CSNK1D: variants seen among roughly 807,000 people sequenced by gnomAD.
The protein encoded by CSNK1D is casein kinase I isoform delta.
In CSNK1D, 16 loss-of-function variants were observed where a neutral mutation model predicts 46.6. That is an observed-to-expected ratio of 0.34 (90% CI 0.23 to 0.52). The LOEUF is 0.52. CSNK1D is among the 20% of genes least tolerant of loss of function. The probability of loss-of-function intolerance (pLI) is 0.95; values close to 1 mark genes in which losing one functional copy is unlikely to be tolerated. For missense variants in CSNK1D, 398 were observed against 578.4 expected, an observed-to-expected ratio of 0.69 and a Z score of 3.20; for synonymous variants, 276 against 228.2, an observed-to-expected ratio of 1.21 and a Z score of -1.89.
In CSNK1D at chr17:82,249,043, C is replaced by T. The variant is rs1379091937; in HGVS notation, c.1058-29G>A. On this transcript the variant is annotated intron_variant, in intron 7 of 8. Transcript: ENST00000314028. The surrounding 1 kb of genome is among the most constrained non-coding windows in gnomAD (Gnocchi z 6.7). ...AGGACAGGGAGAGAAACGGAGTGGGCCGCCCCCGTCTGCTGCCTCTCACTC... is the reference window on the plus strand; with the variant it reads ...AGGACAGGGAGAGAAACGGAGTGGGTCGCCCCCGTCTGCTGCCTCTCACTC... 7.1e-6 allele frequency: 11 copies of T among 1,547,208 alleles called. No homozygotes were observed. Among genetic ancestry groups the T allele is most frequent in the Non-Finnish European group, 9.6e-6 (11 of 1,144,814 alleles).
In CSNK1D at chr17:82,248,720, C is replaced by T. The variant is rs1427886213; in HGVS notation, c.1197+155G>A. 6.8e-7 allele frequency: 1 copy of T among 1,467,738 alleles called. No homozygotes were observed. The highest frequency in any genetic ancestry group is 1.4e-5 in the South Asian group (1 of 73,166). 90.9% of individuals were successfully genotyped at this position (1,467,738 alleles called of 1,614,324 possible). A position where few individuals can be genotyped will look rare whatever the true frequency, so the allele number is the denominator to read the frequency against. On this transcript the variant is annotated intron_variant, in intron 8 of 8. Transcript: ENST00000314028. This position sits in a 1 kb window ranked among gnomAD's most constrained non-coding sequence, Gnocchi z 4.1. ...TCTCCCAGGCCCTCCCGAGAAGCCT[C>T]ATCTGCAACCAAGACGCCACACCCT... is the stretch of plus-strand genomic sequence containing the variant.
intron 2 of CSNK1D, among the ~76,000 whole-genome samples, chr17:82,263,815 T>C (rs1355807859): frequency 6.6e-6 from 1 of 152,230 alleles, no homozygotes; most frequent in African/African-American, 2.4e-5. Context: ...TATTGGCTCG[T>C]CACACCTTCA....
At chr17:82,241,330 G>A (rs2050739478), downstream of CSNK1D, among the ~76,000 whole-genome samples, 2 of 152,224 alleles carry the variant, frequency 1.3e-5, no homozygotes, top group African/African-American at 2.4e-5. Flanking sequence ...TCAGCCTTCC[G>A]AGGGGTCTAT....
rs1446539718 is a variant in CSNK1D at position 82,249,978 on chromosome 17, C to T, written c.886-376G>A. The T allele has an allele frequency of 8.1e-7, 1 of 1,238,316 alleles. No homozygotes were observed. The highest frequency in any genetic ancestry group is 1.0e-6 in the Non-Finnish European group (1 of 970,824). The allele number at this position is 1,238,316 out of a possible 1,614,324, so 76.7% of individuals were successfully genotyped here. A position where few individuals can be genotyped will look rare whatever the true frequency, so the allele number is the denominator to read the frequency against. ...ACCATCGGAGGCCAAAGACAGGCCCCAAATGGTGACAGCTGGGGAGGAAAG... is the reference window on the plus strand; with the variant it reads ...ACCATCGGAGGCCAAAGACAGGCCCTAAATGGTGACAGCTGGGGAGGAAAG... On this transcript the variant is annotated intron_variant, in intron 6 of 8. Coordinates refer to ENST00000314028, the MANE Select transcript of CSNK1D (RefSeq NM_001893.6). The surrounding 1 kb of genome is among the most constrained non-coding windows in gnomAD (Gnocchi z 6.7).
intron 2 of CSNK1D, chr17:82,261,022 G>A (rs1294947416): frequency 6.5e-6 from 1 of 154,958 alleles, no homozygotes; most frequent in Non-Finnish European, 1.5e-5. Context: ...ACAGATGTAA[G>A]CCACTGCACC....
At chr17:82,244,993 G>C in intron 8 of CSNK1D, 162 bp from the exon 9 acceptor site, 1 of 848,198 alleles carries the variant, frequency 1.2e-6, no homozygotes, top group African/African-American at 1.7e-5. Context: ...CTCTGTGGCT[G>C]GGACACGTGC....
rs910107944 is a variant in CSNK1D, at chr17:82,243,973, C to CA, written c.*807dup. ...GCCCACCTCCTGGGGAAGAAGCGCG[C>CA]AGTGCTTTGCCTGGTAACACCCACT... On this transcript the variant is annotated 3_prime_UTR_variant, in exon 9 of 9. Coordinates refer to ENST00000314028, the MANE Select transcript of CSNK1D (RefSeq NM_001893.6). 2 of 985,858 alleles carry CA rather than the reference C, an allele frequency of 2.0e-6. No homozygotes were observed. Among genetic ancestry groups the CA allele is most frequent in the African/African-American group, 3.5e-5 (2 of 57,238 alleles). The allele number at this position is 985,858 out of a possible 1,614,324, so 61.1% of individuals were successfully genotyped here. A position where few individuals can be genotyped will look rare whatever the true frequency, so the allele number is the denominator to read the frequency against.
At chr17:82,268,734 G>A (rs866327676) in intron 1 of CSNK1D, among the ~76,000 whole-genome samples, 1 of 152,128 alleles carries the variant, frequency 6.6e-6, no homozygotes, top group Non-Finnish European at 1.5e-5. Flanking sequence ...TCCTCAGTCC[G>A]TGTTTGGGTA....
chr17:82,257,340 G>A lies in CSNK1D; in HGVS notation c.188-1763C>T, dbSNP rs369063235. ...GTTTCTTGATGAAAAGACTTTTCAT[G>A]AATATGAATGCCTTAATCTTTTGCT... On this transcript the variant is annotated intron_variant, in intron 2 of 8. Coordinates refer to ENST00000314028, the MANE Select transcript of CSNK1D (RefSeq NM_001893.6). 1.2e-4 allele frequency among the ~76,000 whole-genome samples: 19 copies of A among 152,186 alleles called. No individual in the cohort carries two copies. In the South Asian group the frequency reaches 3.9e-3, roughly 32 times the overall value.
chr17:82,247,532 T>C (rs1031643554), intron 8 of CSNK1D: 28 of 985,334 alleles, frequency 2.8e-5, no homozygotes, highest in Non-Finnish European at 3.1e-5. Flanking sequence ...GCACCCAGCA[T>C]GGGGAGCACT....
At chr17:82,270,374 A>C (rs1286612542) in intron 1 of CSNK1D, among the ~76,000 whole-genome samples, 1 of 152,206 alleles carries the variant, frequency 6.6e-6, no homozygotes, top group Non-Finnish European at 1.5e-5. Context: ...GAAAGCACAG[A>C]AAGTCCCCGG....
intron 1 of CSNK1D, among the ~76,000 whole-genome samples, chr17:82,271,076 CTTAT>C (rs1279421618): frequency 3.9e-5 from 6 of 152,070 alleles, no homozygotes; most frequent in South Asian, 4.1e-4. Flanking sequence ...CAAAGTACTT[CTTAT>C]TTATTTATTT....
intron 2 of CSNK1D, among the ~76,000 whole-genome samples, chr17:82,260,301 A>ACGGAC: frequency 7.8e-6 from 1 of 127,872 alleles, no homozygotes; most frequent in African/African-American, 2.9e-5. Context: ...CTGATAGTGT[A>ACGGAC]TTGACTGATG....
At position 82,251,790 on chromosome 17, in the gene CSNK1D, A is replaced by G; in HGVS notation, c.737-263T>C. The G allele has an allele frequency of 2.1e-6, 1 of 476,700 alleles. No homozygotes were observed. The highest frequency in any genetic ancestry group is 2.0e-5 in the South Asian group (1 of 49,542). 29.5% of individuals were successfully genotyped at this position (476,700 alleles called of 1,614,324 possible). On this transcript the variant is annotated intron_variant, in intron 5 of 8. Transcript: ENST00000314028. This position sits in a 1 kb window ranked among gnomAD's most constrained non-coding sequence, Gnocchi z 4.5. The stretch of plus-strand genomic sequence containing the variant: ...CGGATCACGAGGTCAGGAGATCAAG[A>G]CCATCCTGGCTAACACAGTGAAACC...
chr17:82,250,898 A>G lies in CSNK1D; in HGVS notation c.885+481T>C. 1 of 216,394 alleles carries G rather than the reference A, an allele frequency of 4.6e-6. No individual in the cohort carries two copies. The highest frequency in any genetic ancestry group is 9.5e-6 in the Non-Finnish European group (1 of 104,908). The allele number at this position is 216,394 out of a possible 1,614,324, so 13.4% of individuals were successfully genotyped here. ...CCCAGGGCTGGGCTGCCTGTTTTAG[A>G]GGCTCCACTGCATACTCACACCGCA... On this transcript the variant is annotated intron_variant, in intron 6 of 8. Coordinates refer to ENST00000314028, the MANE Select transcript of CSNK1D (RefSeq NM_001893.6). This position sits in a 1 kb window ranked among gnomAD's most constrained non-coding sequence, Gnocchi z 4.6.
intron 8 of CSNK1D, chr17:82,246,642 G>C: frequency 1.0e-6 from 1 of 1,004,388 alleles, no homozygotes; most frequent in Non-Finnish European, 1.2e-6. Flanking sequence ...GCTGGGGCGG[G>C]GCCCTACAAC....
At position 82,265,699 on chromosome 17, in the gene CSNK1D, C is replaced by G; in HGVS notation, c.174G>C (p.Met58Ile). 1.2e-6 allele frequency: 2 copies of G among 1,613,848 alleles called. No homozygotes were observed. The highest frequency in any genetic ancestry group is 1.7e-6 in the Non-Finnish European group (2 of 1,179,726). ...GTAAAGACCTACCTCCTCCCTGCAT[C>G]ATCTTGTAGATTTTGCTCTCAATGT... The part of the protein sequence containing the change: ...QLHIESKIYK[M>I]MQGGVGIPTI... The change falls in exon 2 of 9, where the codon ATG becomes ATC. Residue 58 changes from methionine (M) to isoleucine (I), a missense_variant. Met to Ile is a conservative substitution (Grantham distance 10). Transcript: ENST00000314028.
chr17:82,250,345 G>T lies in CSNK1D; in HGVS notation c.886-743C>A, dbSNP rs569546168. 30 of 539,470 alleles carry T rather than the reference G, an allele frequency of 5.6e-5. No homozygotes were observed. Among genetic ancestry groups the T allele is most frequent in the Non-Finnish European group, 8.4e-5 (27 of 322,336 alleles). 33.4% of individuals were successfully genotyped at this position (539,470 alleles called of 1,614,324 possible). On this transcript the variant is annotated intron_variant, in intron 6 of 8. Transcript: ENST00000314028. The surrounding 1 kb of genome is among the most constrained non-coding windows in gnomAD (Gnocchi z 4.6). ...CCGACACACCTGCGGCTGCAGCACCGTGCGGCCAGCACCGCCCAGACTCCT... is the reference window on the plus strand; with the variant it reads ...CCGACACACCTGCGGCTGCAGCACCTTGCGGCCAGCACCGCCCAGACTCCT...
At position 82,248,793 on chromosome 17, in the gene CSNK1D, A is replaced by C. The variant is rs746134343; in HGVS notation, c.1197+82T>G. The C allele has an allele frequency of 4.5e-6, 7 of 1,546,134 alleles. No individual in the cohort carries two copies. In the African/African-American group the frequency reaches 5.5e-5, roughly 12 times the overall value. ...AATGGGGGGAAGAAAGGAAAGAAGA[A>C]GCCCTGGAGAAACCACAGCCCGCTC... On this transcript the variant is annotated intron_variant, in intron 8 of 8. Coordinates refer to ENST00000314028, the MANE Select transcript of CSNK1D (RefSeq NM_001893.6). This position sits in a 1 kb window ranked among gnomAD's most constrained non-coding sequence, Gnocchi z 4.1.
Sources: gnomAD v4.1 joint callset for allele counts (sites outside exome capture counted in the v4.1 genomes callset) on GRCh38, gnomAD v4.1.1 for gene constraint, Gnocchi (gnomAD v3.1) non-coding constraint, MANE v1.5 for transcripts, NCBI Gene and HGNC (gene_info 2026-07-23, HGNC 2026-07-21) for gene names.